The following BCL11A variants were observed in gnomAD, a reference collection of about 807,000 sequenced individuals.
BCL11A encodes BCL11 transcription factor A.
A neutral mutation model predicts 55.9 loss-of-function variants in BCL11A; 2 were observed. That is an observed-to-expected ratio of 0.04 (90% CI 0.01 to 0.11). BCL11A has a LOEUF of 0.11. Among genes scored for constraint, BCL11A ranks in the 10% least tolerant of loss-of-function variants. The probability of loss-of-function intolerance (pLI) is 1.00; values close to 1 mark genes in which losing one functional copy is unlikely to be tolerated. For missense variants in BCL11A, 817 were observed against 1,137.1 expected (o/e 0.72, Z 4.05); for synonymous variants, 465 against 473.4 (o/e 0.98, Z 0.23).
intron 2 of BCL11A, among the ~76,000 whole-genome samples, chr2:60,471,900 T>G (rs1192110844): frequency 6.6e-6 from 1 of 152,212 alleles, no homozygotes; most frequent in East Asian, 1.9e-4. Flanking sequence ...CAGCCTTCTA[T>G]GTTGAATAAA....
chr2:60,495,217 C>A (rs1033926800), intron 2 of BCL11A, among the ~76,000 whole-genome samples: 3 of 152,200 alleles, frequency 2.0e-5, no homozygotes, highest in African/African-American at 7.2e-5. Context: ...TCTTCTACCC[C>A]ACCCACGCCC....
Position 60,459,903 on chromosome 2 carries a change from T to C in BCL11A, c.*501A>G, listed in dbSNP as rs1161886039. 21 of 1,055,138 alleles carry C rather than the reference T, an allele frequency of 2.0e-5. No homozygotes were observed. The highest frequency in any genetic ancestry group is 5.4e-5 in the East Asian group (1 of 18,574). The allele number at this position is 1,055,138 out of a possible 1,614,324, so 65.4% of individuals were successfully genotyped here. On this transcript the variant is annotated 3_prime_UTR_variant, in exon 4 of 4. Coordinates refer to ENST00000642384, the MANE Select transcript of BCL11A (RefSeq NM_022893.4). ...TTATAAAATAAAACTGTACATGATA[T>C]GTATTACAGAATGTATGCAGCATGG...
intron 1 of BCL11A, chr2:60,550,952 C>T: frequency 6.7e-6 from 1 of 150,324 alleles, no homozygotes; most frequent in Non-Finnish European, 1.4e-5. Flanking sequence ...CGGGGGAGAG[C>T]GGCGAGGGAG....
At chr2:60,473,033 G>T (rs962871248) in intron 2 of BCL11A, among the ~76,000 whole-genome samples, 4 of 131,086 alleles carry the variant, frequency 3.1e-5, no homozygotes, top group African/African-American at 1.0e-4. Flanking sequence ...GTTAGCGTGT[G>T]CATGCATATG....
In BCL11A at chr2:60,513,374, G is replaced by A. The variant is rs779831354; in HGVS notation, c.385+32597C>T. 2.2e-4 allele frequency among the ~76,000 whole-genome samples: 33 copies of A among 152,092 alleles called. 1 individual carries two copies. Among genetic ancestry groups the A allele is most frequent in the Non-Finnish European group, 1.0e-4 (7 of 68,018 alleles). On this transcript the variant is annotated intron_variant, in intron 2 of 3. Transcript: ENST00000642384. ...CCTGCTCCCTCAGGAGCCATCTGCC[G>A]GGTGCTTCTGGAGATGCTGCCTCCA...
At chr2:60,516,895 A>C (rs964453691) in intron 2 of BCL11A, among the ~76,000 whole-genome samples, 3 of 152,264 alleles carry the variant, frequency 2.0e-5, no homozygotes, top group African/African-American at 7.2e-5. Flanking sequence ...AAACCAGCAG[A>C]TTCTAAAGAG....
intron 2 of BCL11A, among the ~76,000 whole-genome samples, chr2:60,539,794 T>C (rs1669837317): frequency 6.6e-6 from 1 of 152,200 alleles, no homozygotes; most frequent in Non-Finnish European, 1.5e-5. Context: ...GTAGCAATAA[T>C]ATGGTTCGTG....
chr2:60,532,258 C>G (rs1669489690), intron 2 of BCL11A, among the ~76,000 whole-genome samples: 2 of 151,332 alleles, frequency 1.3e-5, no homozygotes, highest in South Asian at 4.2e-4. Context: ...GACAGTCTAT[C>G]TCACTGGTGG....
chr2:60,504,189 G>A (rs919773692), intron 2 of BCL11A, among the ~76,000 whole-genome samples: 6 of 152,196 alleles, frequency 3.9e-5, no homozygotes, highest in Non-Finnish European at 8.8e-5. Flanking sequence ...CCGGGCACAA[G>A]AGAGCAGGCC....
At chr2:60,552,342 G>C (rs1208837407) in intron 1 of BCL11A, among the ~76,000 whole-genome samples, 1 of 152,010 alleles carries the variant, frequency 6.6e-6, no homozygotes, top group Admixed American at 6.6e-5. Flanking sequence ...GGCAACCCAG[G>C]AGGCAGCAGT....
At chr2:60,534,767 A>G (rs552376475) in intron 2 of BCL11A, 1 of 152,280 alleles carries the variant, frequency 6.6e-6, no homozygotes, top group Non-Finnish European at 1.5e-5. Flanking sequence ...TCTGAGGAGG[A>G]GAGCCACTGA....
At position 60,468,742 on chromosome 2, in the gene BCL11A, C is replaced by A. The variant is rs748775450; in HGVS notation, c.477G>T (p.Pro159=). 19 of 1,610,722 alleles carry A rather than the reference C, an allele frequency of 1.2e-5. No individual in the cohort carries two copies. Among genetic ancestry groups the A allele is most frequent in the Non-Finnish European group, 1.6e-5 (19 of 1,177,424 alleles). Residue 159 remains proline, a synonymous_variant, in exon 3 of 4, where the codon CCG becomes CCT. Coordinates refer to ENST00000642384, the MANE Select transcript of BCL11A (RefSeq NM_022893.4). ...TAAGGCTCAACTTACAAATACCCTG[C>A]GGGGCATATTCTGCACTCATCCCAG... ...PTPGMSAEYA[P]QGICKDEPSS... is the part of the protein sequence containing the mutation.
intron 2 of BCL11A, among the ~76,000 whole-genome samples, chr2:60,475,604 A>G (rs753129223): frequency 1.3e-5 from 2 of 152,214 alleles, no homozygotes; most frequent in Non-Finnish European, 2.9e-5. Context: ...TGTCTCTTCA[A>G]TCATCAACTT....
intron 2 of BCL11A, chr2:60,543,594 A>G (rs1203959765): frequency 6.6e-6 from 1 of 152,234 alleles, no homozygotes; most frequent in Admixed American, 6.5e-5. Flanking sequence ...TAACTTCACC[A>G]TAGGAAACTC....
At chr2:60,545,828 T>C (rs1670123484) in intron 2 of BCL11A, 143 bp downstream of exon 2, 5 of 705,238 alleles carry the variant, frequency 7.1e-6, no homozygotes, top group Admixed American at 2.6e-5. Context: ...ACAGAAATGA[T>C]TATTTTAACA....
rs948694490 is a variant in BCL11A, at chr2:60,545,890, A to G, written c.385+81T>C. The G allele has an allele frequency of 8.9e-6, 11 of 1,230,294 alleles. No individual in the cohort carries two copies. In the East Asian group the frequency reaches 1.6e-4, roughly 18 times the overall value. 76.2% of individuals were successfully genotyped at this position (1,230,294 alleles called of 1,614,324 possible). A position where few individuals can be genotyped will look rare whatever the true frequency, so the allele number is the denominator to read the frequency against. On this transcript the variant is annotated intron_variant, in intron 2 of 3. Coordinates refer to ENST00000642384, the MANE Select transcript of BCL11A (RefSeq NM_022893.4). ...TAGAGTAATAGAGAAAGCACTTCACAACTCCTTACTGCTTGGCTACAGCAC... is the reference window on the plus strand; with the variant it reads ...TAGAGTAATAGAGAAAGCACTTCACGACTCCTTACTGCTTGGCTACAGCAC...
At chr2:60,497,143 T>TAG (rs1031150214) in intron 2 of BCL11A, among the ~76,000 whole-genome samples, 39 of 152,366 alleles carry the variant, frequency 2.6e-4, no homozygotes, top group African/African-American at 8.9e-4. Flanking sequence ...AAGCTAGAGC[T>TAG]AGAGCTAGAG....
In BCL11A at chr2:60,465,384, G is replaced by T. The variant is rs565700235; in HGVS notation, c.488-2960C>A. Among the ~76,000 whole-genome samples, 9 of 152,276 alleles carry T rather than the reference G, an allele frequency of 5.9e-5. No individual in the cohort carries two copies. In the South Asian group the frequency reaches 1.9e-3, roughly 32 times the overall value. On this transcript the variant is annotated intron_variant, in intron 3 of 3. Coordinates refer to ENST00000642384, the MANE Select transcript of BCL11A (RefSeq NM_022893.4). Reference sequence around the variant, plus strand: ...ACTTCTCAATTTGAGAGCCTCATTGGGCATTTACGGGGATTGTTTTGATTT... The same window carrying T: ...ACTTCTCAATTTGAGAGCCTCATTGTGCATTTACGGGGATTGTTTTGATTT...
rs1282279003 is a variant in BCL11A at position 60,460,624 on chromosome 2, C to G, written c.2288G>C (p.Ser763Thr). The G allele has an allele frequency of 6.2e-7, 1 of 1,614,180 alleles. No individual in the cohort carries two copies. Residue 763 changes from serine (S) to threonine (T), a missense_variant, in exon 4 of 4, where the codon AGC becomes ACC. Physicochemically the swap from Ser to Thr is moderately conservative, Grantham distance 58. Around this residue, in one of 4 missense-constraint regions of BCL11A, gnomAD observed 30 missense variants for 116.3 expected, o/e 0.26. Coordinates refer to ENST00000642384, the MANE Select transcript of BCL11A (RefSeq NM_022893.4). ...NCSNLTVHRR[S>T]HTGERPYKCE... ...TTTATAAGGCCTTTCGCCCGTGTGGCTTCTCCTGTGGACAGTGAGATTGCT... is the reference window on the plus strand; with the variant it reads ...TTTATAAGGCCTTTCGCCCGTGTGGGTTCTCCTGTGGACAGTGAGATTGCT...
Sources: allele counts gnomAD v4.1 joint callset (sites outside exome capture counted in the v4.1 genomes callset), GRCh38; gene constraint gnomAD v4.1.1; regional missense constraint gnomAD v4.1.1; transcripts MANE v1.5; gene names NCBI Gene and HGNC (gene_info 2026-07-23, HGNC 2026-07-21).